KANK1: variants seen among roughly 807,000 people sequenced by gnomAD.
The protein encoded by KANK1 is KN motif and ankyrin repeat domains 1.
KANK1 carries 109 observed loss-of-function variants against 106.2 expected under a neutral mutation model. The ratio of observed to expected loss-of-function variants is 1.03; its 90% CI spans 0.88 to 1.20. KANK1 has a LOEUF of 1.20. Among genes scored for constraint, KANK1 ranks in the 50% most tolerant of loss-of-function variants. KANK1 has a pLI of 0.00. For missense variants in KANK1, 2,399 were observed against 1,710.7 expected, an observed-to-expected ratio of 1.40 and a Z score of -7.10; for synonymous variants, 873 against 652.2, an observed-to-expected ratio of 1.34 and a Z score of -5.16.
chr9:582,390 C>T (rs188794071), intron 1 of KANK1, among the ~76,000 whole-genome samples: 1 of 152,282 alleles, frequency 6.6e-6, no homozygotes, highest in Non-Finnish European at 1.5e-5. Context: ...TATAAATCTT[C>T]AGTGAACTAA....
intron 1 of KANK1, among the ~76,000 whole-genome samples, chr9:619,179 A>G (rs1243933960): frequency 6.6e-6 from 1 of 152,194 alleles, no homozygotes; most frequent in South Asian, 2.1e-4. Flanking sequence ...CCAATACTTA[A>G]AAGGAACAGG....
intron 1 of KANK1, among the ~76,000 whole-genome samples, chr9:639,857 T>C (rs1837989636): frequency 6.6e-6 from 1 of 152,194 alleles, no homozygotes; most frequent in Admixed American, 6.5e-5. Flanking sequence ...GTGCCTTCTA[T>C]GTCCTTACAT....
At chr9:702,000 A>G (rs1217259110) in intron 2 of KANK1, among the ~76,000 whole-genome samples, 2 of 152,170 alleles carry the variant, frequency 1.3e-5, no homozygotes, top group Non-Finnish European at 2.9e-5. Flanking sequence ...ACAGAGCACT[A>G]AGTTTTATAG....
chr9:709,966 C>T (rs1294436730), intron 2 of KANK1, among the ~76,000 whole-genome samples: 2 of 152,074 alleles, frequency 1.3e-5, no homozygotes, highest in African/African-American at 2.4e-5. Context: ...TAAGGACTTA[C>T]TATGTGCTTG....
At chr9:513,430 C>T (rs1243391785) in intron 1 of KANK1, among the ~76,000 whole-genome samples, 28 of 152,010 alleles carry the variant, frequency 1.8e-4, no homozygotes, top group Non-Finnish European at 1.5e-5. Flanking sequence ...TGGGTTTTTT[C>T]TTTTTTTGGA....
intron 1 of KANK1, chr9:540,576 T>C (rs1299655114): frequency 6.6e-6 from 1 of 152,156 alleles, no homozygotes; most frequent in Non-Finnish European, 1.5e-5. Context: ...TTGGAAAGAG[T>C]TTAAGAAGGG....
intron 2 of KANK1, chr9:687,031 T>G: frequency 1.8e-5 from 12 of 649,232 alleles, no homozygotes; most frequent in Non-Finnish European, 2.3e-5. Flanking sequence ...ATTTCTTTTC[T>G]TTTCTTTTTT....
intron 7 of KANK1, among the ~76,000 whole-genome samples, chr9:736,815 C>T (rs1164676687): frequency 6.6e-6 from 1 of 152,184 alleles, no homozygotes. Context: ...CATAAAATCT[C>T]ACTGCAGGGT....
In KANK1 at chr9:697,363, T is replaced by C. The variant is rs747512221; in HGVS notation, c.38-13441T>C. On this transcript the variant is annotated intron_variant, in intron 2 of 11. Transcript: ENST00000382297. ...TGGTTATTTGTCAGCTTTCTCATCA[T>C]AGAGTCACCATTTTTTTTTATGATT... 5.3e-5 allele frequency among the ~76,000 whole-genome samples: 8 copies of C among 152,278 alleles called. 1 individual carries two copies. The highest frequency in any genetic ancestry group is 6.8e-3 in the Middle Eastern group (2 of 294).
chr9:712,429 T>C lies in KANK1; in HGVS notation c.1663T>C (p.Cys555Arg), dbSNP rs1361678163. 6.2e-7 allele frequency: 1 copy of C among 1,614,066 alleles called. No homozygotes were observed. The highest frequency in any genetic ancestry group is 8.5e-7 in the Non-Finnish European group (1 of 1,180,024). Residue 555 changes from cysteine to arginine, a missense_variant, in exon 3 of 12, where the codon TGT becomes CGT. Transcript: ENST00000382297. ...TGTAGGCATCTCCTGCCAGCCTGAA[T>C]GTAAGAATAAAGTCGTAGGGCCTGA... ...NSVGISCQPE[C>R]KNKVVGPELP...
intron 1 of KANK1, among the ~76,000 whole-genome samples, chr9:517,383 T>G (rs2059329689): frequency 6.6e-6 from 1 of 151,784 alleles, no homozygotes; most frequent in South Asian, 2.1e-4. Context: ...ATCACAGGCG[T>G]GAGCCACTGC....
intron 3 of KANK1, among the ~76,000 whole-genome samples, chr9:724,161 T>C (rs774134992): frequency 2.0e-5 from 3 of 152,196 alleles, no homozygotes; most frequent in Non-Finnish European, 4.4e-5. Flanking sequence ...ATCATACTTA[T>C]CTTTTTTTAA....
chr9:565,983 A>G (rs1258143856), intron 1 of KANK1, among the ~76,000 whole-genome samples: 2 of 152,188 alleles, frequency 1.3e-5, no homozygotes, highest in Admixed American at 1.3e-4. Flanking sequence ...TTAATAATAC[A>G]TAGTTATTTT....
intron 1 of KANK1, among the ~76,000 whole-genome samples, chr9:613,941 A>G (rs1831174117): frequency 6.6e-6 from 1 of 152,176 alleles, no homozygotes; most frequent in South Asian, 2.1e-4. Context: ...TGCGCCCTAC[A>G]GGAAAGAGTA....
At chr9:740,103 C>T (rs916137292) in intron 8 of KANK1, among the ~76,000 whole-genome samples, 1 of 152,052 alleles carries the variant, frequency 6.6e-6, no homozygotes. Context: ...CTCACCATTC[C>T]GGTCATTTCA....
intron 8 of KANK1, 145 bp from the exon 9 acceptor site, chr9:740,647 T>C: frequency 1.1e-6 from 1 of 888,278 alleles, no homozygotes; most frequent in Non-Finnish European, 1.7e-6. Flanking sequence ...ATCTCTCACA[T>C]TTCCTTCTAA....
At chr9:537,091 A>G (rs191372950) in intron 1 of KANK1, among the ~76,000 whole-genome samples, 1 of 152,306 alleles carries the variant, frequency 6.6e-6, no homozygotes, top group East Asian at 1.9e-4. Flanking sequence ...TGGTGAAATT[A>G]AGAACTAAAA....
At chr9:558,596 A>G (rs1334351502) in intron 1 of KANK1, among the ~76,000 whole-genome samples, 1 of 152,062 alleles carries the variant, frequency 6.6e-6, no homozygotes, top group Non-Finnish European at 1.5e-5. Flanking sequence ...AAGGCACATC[A>G]TGGCCTTGTT....
intron 1 of KANK1, among the ~76,000 whole-genome samples, chr9:625,374 C>G (rs1436866161): frequency 6.6e-6 from 1 of 152,174 alleles, no homozygotes; most frequent in East Asian, 1.9e-4. Flanking sequence ...AAAATACTGG[C>G]TAACAGCCTG....
Sources: gnomAD v4.1 joint callset for allele counts (sites outside exome capture counted in the v4.1 genomes callset) on GRCh38, gnomAD v4.1.1 for gene constraint, MANE v1.5 for transcripts, NCBI Gene and HGNC (gene_info 2026-07-23, HGNC 2026-07-21) for gene names.